LNPK: variants seen among roughly 807,000 people sequenced by gnomAD.
LNPK encodes endoplasmic reticulum junction formation protein lunapark.
In LNPK, 29 loss-of-function variants were observed where a neutral mutation model predicts 55.2. The observed-to-expected ratio is 0.53, with a 90% CI of 0.39 to 0.72. The LOEUF (loss-of-function observed/expected upper bound fraction) is 0.72, where lower values mean the gene tolerates loss of function less well. Among genes scored for constraint, LNPK ranks in the 30% least tolerant of loss-of-function variants. The pLI is 0.00. For synonymous variants in LNPK, 162 were observed against 168.2 expected, an observed-to-expected ratio of 0.96 and a Z score of 0.29; for missense variants, 467 against 494.8, an observed-to-expected ratio of 0.94 and a Z score of 0.53.
Position 175,965,024 on chromosome 2 carries a change from A to C in LNPK, c.358-435T>G, listed in dbSNP as rs982799748. On this transcript the variant is annotated intron_variant, in intron 6 of 12. Transcript: ENST00000272748. ...ACAAAATAAAATCTCTGTGCCAATT[A>C]ACTGCTGTCAGCATCGATTTTAGAT... Among the ~76,000 whole-genome samples the C allele has an allele frequency of 3.9e-5, 6 of 152,252 alleles. 1 individual carries two copies. The highest frequency in any genetic ancestry group is 3.9e-4 in the Admixed American group (6 of 15,286).
At chr2:175,941,267 A>ATATATTTATATTTATATT (rs71004250) in intron 9 of LNPK, among the ~76,000 whole-genome samples, 6,138 of 144,052 alleles carry the variant, frequency 0.043, 162 homozygotes, top group Non-Finnish European at 0.057. Context: ...AAGCAGCCTA[A>ATATATTTATATTTATATT]TATATTTATA....
chr2:175,951,988 T>C (rs1685444416), intron 8 of LNPK, among the ~76,000 whole-genome samples: 1 of 152,078 alleles, frequency 6.6e-6, no homozygotes. Flanking sequence ...TGATCATTAG[T>C]GATGTTGAGC....
rs372276997 is a variant in LNPK, at chr2:175,969,894, C to T, written c.357+870G>A. Among the ~76,000 whole-genome samples, 520 of 152,148 alleles carry T rather than the reference C, an allele frequency of 3.4e-3. 15 individuals carry two copies. The South Asian group carries it at 0.072, about 21-fold the overall frequency. Reference sequence around the variant, plus strand: ...CTCTTACTTTTCAGGTACTTAAAGCCCTTAAAACCAGTATCTATTATCATC... The same window carrying T: ...CTCTTACTTTTCAGGTACTTAAAGCTCTTAAAACCAGTATCTATTATCATC... On this transcript the variant is annotated intron_variant, in intron 6 of 12. Transcript: ENST00000272748.
intron 8 of LNPK, among the ~76,000 whole-genome samples, chr2:175,951,592 T>TATAC (rs1685411800): frequency 1.0e-5 from 1 of 96,394 alleles, no homozygotes; most frequent in Admixed American, 1.0e-4. Context: ...TTCATATATA[T>TATAC]ATATATATAT....
At chr2:175,963,695 AAATAT>A (rs1159140693) in intron 8 of LNPK, among the ~76,000 whole-genome samples, 1 of 152,016 alleles carries the variant, frequency 6.6e-6, no homozygotes, top group Non-Finnish European at 1.5e-5. Flanking sequence ...CTAAAACTTA[AAATAT>A]AATAAATAAA....
At position 175,980,904 on chromosome 2, in the gene LNPK, CA is replaced by C. The variant is rs369143349; in HGVS notation, c.258-1037del. Among the ~76,000 whole-genome samples the C allele has an allele frequency of 6.7e-3, 668 of 99,540 alleles. 1 individual carries two copies. Among genetic ancestry groups the C allele is most frequent in the African/African-American group, 0.02 (448 of 22,708 alleles). 65.3% of individuals were successfully genotyped at this position (99,540 alleles called of 152,430 possible). ...CCTAGGCGGCAGAGAAAGACTGTCCCAAAAAAAAAAAAAAAAAGAAAGAAAG... is the reference window on the plus strand; with the variant it reads ...CCTAGGCGGCAGAGAAAGACTGTCCCAAAAAAAAAAAAAAAAGAAAGAAAG... On this transcript the variant is annotated intron_variant, in intron 4 of 12. Transcript: ENST00000272748.
chr2:175,932,521 G>T lies in LNPK; in HGVS notation c.1055-2322C>A, dbSNP rs542670637. ...TAAGTTTCTTCCCCTGGGTTAATTTGCAGAAAAGCAATTTTTTAATGGCAG... is the reference window on the plus strand; with the variant it reads ...TAAGTTTCTTCCCCTGGGTTAATTTTCAGAAAAGCAATTTTTTAATGGCAG... On this transcript the variant is annotated intron_variant, in intron 12 of 12. Transcript: ENST00000272748. 4.3e-4 allele frequency among the ~76,000 whole-genome samples: 66 copies of T among 152,210 alleles called. No individual in the cohort carries two copies. In the East Asian group the frequency reaches 0.013, roughly 29 times the overall value.
upstream of LNPK, chr2:176,002,442 G>T (rs1688209036): frequency 3.1e-6 from 1 of 323,678 alleles, no homozygotes; most frequent in Non-Finnish European, 6.0e-6. Context: ...GCCAGCTTAG[G>T]CTGCTCGGTG....
At chr2:175,979,965 G>T in intron 4 of LNPK, 97 bp from the exon 5 acceptor site, 1 of 1,139,658 alleles carries the variant, frequency 8.8e-7, no homozygotes, top group Non-Finnish European at 1.2e-6. Context: ...ATTAGAGTTA[G>T]GTACATTGTT....
chr2:175,960,718 A>G (rs983875011), intron 8 of LNPK, among the ~76,000 whole-genome samples: 1 of 152,178 alleles, frequency 6.6e-6, no homozygotes, highest in African/African-American at 2.4e-5. Flanking sequence ...TCAGAGCAGA[A>G]CTGAAGGAGA....
At position 175,924,143 on chromosome 2, in the gene LNPK, T is replaced by C. The variant is rs181422607; in HGVS notation, c.*5824A>G. ...ACTTGAATTCCCTTTAATGTCTCTT[T>C]AGAAGTTCATAAACTATATCTAGAT... On this transcript the variant is annotated 3_prime_UTR_variant, in exon 13 of 13. Coordinates refer to ENST00000272748, the MANE Select transcript of LNPK (RefSeq NM_030650.3). 11 of 152,334 alleles carry C rather than the reference T, an allele frequency of 7.2e-5. No individual in the cohort carries two copies. Among genetic ancestry groups the C allele is most frequent in the Admixed American group, 7.2e-4 (11 of 15,290 alleles). The allele number at this position is 152,334 out of a possible 1,614,324, so 9.4% of individuals were successfully genotyped here.
chr2:175,942,693 T>A (rs1483541872), intron 9 of LNPK, among the ~76,000 whole-genome samples: 2 of 150,614 alleles, frequency 1.3e-5, no homozygotes, highest in African/African-American at 4.9e-5. Context: ...AAAGAAAAAA[T>A]TTATAATATT....
Position 175,939,661 on chromosome 2 carries a change from TTAAA to T in LNPK, c.707-8_707-5del, listed in dbSNP as rs1223616485. ...GGTGGACCTGGAGGATGAAGACCTA[TTAAA>T]TAAATAAATACATACAAAATTTATA... On this transcript the variant is annotated splice_polypyrimidine_tract_variant and splice_region_variant and intron_variant, in intron 9 of 12. Coordinates refer to ENST00000272748, the MANE Select transcript of LNPK (RefSeq NM_030650.3). 9 of 1,424,524 alleles carry T rather than the reference TTAAA, an allele frequency of 6.3e-6. No homozygotes were observed. Among genetic ancestry groups the T allele is most frequent in the African/African-American group, 4.3e-5 (3 of 69,470 alleles). 88.2% of individuals were successfully genotyped at this position (1,424,524 alleles called of 1,614,324 possible).
At chr2:175,964,617 C>G in intron 6 of LNPK, 28 bp from the exon 7 acceptor site, 1 of 1,284,044 alleles carries the variant, frequency 7.8e-7, no homozygotes, top group Non-Finnish European at 1.1e-6. Context: ...CATAAATTGT[C>G]ACACTTCAAA....
rs1487157520 is a variant in LNPK at position 175,926,714 on chromosome 2, C to T, written c.*3253G>A. 2 of 152,054 alleles carry T rather than the reference C, an allele frequency of 1.3e-5. No individual in the cohort carries two copies. Among genetic ancestry groups the T allele is most frequent in the African/African-American group, 4.8e-5 (2 of 41,396 alleles). 9.4% of individuals were successfully genotyped at this position (152,054 alleles called of 1,614,324 possible). ...CAAATGTTTATCATCATTATTAATGCAATGTGAACAGAGAAATGAGAATAT... is the reference window on the plus strand; with the variant it reads ...CAAATGTTTATCATCATTATTAATGTAATGTGAACAGAGAAATGAGAATAT... On this transcript the variant is annotated 3_prime_UTR_variant, in exon 13 of 13. Transcript: ENST00000272748.
At chr2:175,995,804 C>CTCTTTTT (rs1687903819) in intron 1 of LNPK, among the ~76,000 whole-genome samples, 158 bp from the exon 2 acceptor site, 1 of 66,398 alleles carries the variant, frequency 1.5e-5, no homozygotes, top group African/African-American at 5.7e-5. Flanking sequence ...TAGAGTCTAC[C>CTCTTTTT]TTTTTTTTTT....
Position 175,945,510 on chromosome 2 carries a change from GAA to G in LNPK, c.706+1968_706+1969del, listed in dbSNP as rs758611547. On this transcript the variant is annotated intron_variant, in intron 9 of 12. Transcript: ENST00000272748. ...AACAGAACAAGACTGTGTCTCAAAA[GAA>G]AAAAAAAAAAAAAAAAAAGATTCCA... Among the ~76,000 whole-genome samples, 31 of 105,112 alleles carry G rather than the reference GAA, an allele frequency of 2.9e-4. No individual in the cohort carries two copies. The East Asian group carries it at 5.1e-3, about 17-fold the overall frequency. The allele number at this position is 105,112 out of a possible 152,430, so 69.0% of individuals were successfully genotyped here. A position where few individuals can be genotyped will look rare whatever the true frequency, so the allele number is the denominator to read the frequency against.
chr2:175,939,492 T>TAC (rs138833018), intron 10 of LNPK, 60 bp downstream of exon 10: 118,254 of 883,300 alleles, frequency 0.13, 5,589 homozygotes, highest in Non-Finnish European at 0.17. Flanking sequence ...ATCTAGTGTG[T>TAC]ACACACACAC....
At chr2:175,957,029 C>T (rs534937836) in intron 8 of LNPK, among the ~76,000 whole-genome samples, 2 of 152,144 alleles carry the variant, frequency 1.3e-5, no homozygotes, top group Non-Finnish European at 2.9e-5. Context: ...ACATTATCTC[C>T]CCCAACCTCA....
Sources: gnomAD v4.1 joint callset for allele counts (sites outside exome capture counted in the v4.1 genomes callset) on GRCh38, gnomAD v4.1.1 for gene constraint, MANE v1.5 for transcripts, NCBI Gene and HGNC (gene_info 2026-07-23, HGNC 2026-07-21) for gene names.